Variants in PRTFDC1 observed in about 807,000 individuals in gnomAD.
PRTFDC1 encodes the protein phosphoribosyl transferase domain containing 1.
Under a neutral mutation model 34.6 loss-of-function variants are expected in PRTFDC1, and 38 were observed. That is an observed-to-expected ratio of 1.10 (90% confidence interval 0.85 to 1.44). PRTFDC1 has a LOEUF of 1.44. PRTFDC1 is among the 40% of genes most tolerant of loss of function. The probability of loss-of-function intolerance (pLI) is 0.00; values close to 1 mark genes in which losing one functional copy is unlikely to be tolerated. For synonymous variants in PRTFDC1, 93 were observed against 98.1 expected (o/e 0.95, Z 0.31); for missense variants, 270 against 283.0 (o/e 0.95, Z 0.33).
intron 4 of PRTFDC1, among the ~76,000 whole-genome samples, chr10:24,866,765 C>A (rs1448863337): frequency 6.7e-6 from 1 of 148,982 alleles, no homozygotes; most frequent in Non-Finnish European, 1.5e-5. Context: ...CCCTTGTGAG[C>A]TTCCTTTCCT....
intron 8 of PRTFDC1, 142 bp from the exon 9 acceptor site, chr10:24,850,033 T>C: frequency 2.6e-6 from 2 of 771,666 alleles, no homozygotes; most frequent in Non-Finnish European, 4.3e-6. Context: ...TATGTGTGGG[T>C]AAAATCTAAA....
At chr10:24,873,618 G>T (rs1015104172) in intron 3 of PRTFDC1, among the ~76,000 whole-genome samples, 7 of 152,130 alleles carry the variant, frequency 4.6e-5, no homozygotes, top group African/African-American at 1.7e-4. Flanking sequence ...GTAGGGCCAG[G>T]CCTTTGCAGT....
At chr10:24,947,694 G>C (rs934754361) in intron 1 of PRTFDC1, among the ~76,000 whole-genome samples, 2 of 151,942 alleles carry the variant, frequency 1.3e-5, no homozygotes, top group African/African-American at 4.8e-5. Context: ...ACACATACAA[G>C]AAGCTAATCT....
Position 24,952,465 on chromosome 10 carries a change from C to T in PRTFDC1, c.48+63G>A. ...CGACGCACGGCAAGCATTTAATCTACAAGCAGGGTGCCAGGGAGGGAGGGG... is the reference window on the plus strand; with the variant it reads ...CGACGCACGGCAAGCATTTAATCTATAAGCAGGGTGCCAGGGAGGGAGGGG... On this transcript the variant is annotated intron_variant, in intron 1 of 8. Coordinates refer to ENST00000320152, the MANE Select transcript of PRTFDC1 (RefSeq NM_020200.7). This position sits in a 1 kb window ranked among gnomAD's most constrained non-coding sequence, Gnocchi z 5.1. 1 of 1,510,240 alleles carries T rather than the reference C, an allele frequency of 6.6e-7. No homozygotes were observed. Among genetic ancestry groups the T allele is most frequent in the Non-Finnish European group, 9.0e-7 (1 of 1,109,432 alleles). The allele number at this position is 1,510,240 out of a possible 1,614,324, so 93.6% of individuals were successfully genotyped here. A position where few individuals can be genotyped will look rare whatever the true frequency, so the allele number is the denominator to read the frequency against.
At chr10:24,915,575 C>T (rs7100046) in intron 3 of PRTFDC1, among the ~76,000 whole-genome samples, 142 of 152,308 alleles carry the variant, frequency 9.3e-4, no homozygotes, top group African/African-American at 3.0e-3. Flanking sequence ...CTTGGCTGAA[C>T]CTGACTGGTT....
In PRTFDC1 at chr10:24,908,762, C is replaced by T. The variant is rs990105324; in HGVS notation, c.339+28422G>A. The T allele has an allele frequency of 4.1e-6, 6 of 1,474,190 alleles. No individual in the cohort carries two copies. The South Asian group carries it at 8.2e-5, about 20-fold the overall frequency. The allele number at this position is 1,474,190 out of a possible 1,614,324, so 91.3% of individuals were successfully genotyped here. A position where few individuals can be genotyped will look rare whatever the true frequency, so the allele number is the denominator to read the frequency against. ...AGCCAGCCCGATCAGCCTGATCAAC[C>T]CTAGCGATCAATGGGGTGACTGATG... On this transcript the variant is annotated intron_variant, in intron 3 of 8. Coordinates refer to ENST00000320152, the MANE Select transcript of PRTFDC1 (RefSeq NM_020200.7).
intron 4 of PRTFDC1, among the ~76,000 whole-genome samples, chr10:24,870,105 GATT>G (rs1175715748): frequency 6.6e-6 from 1 of 152,088 alleles, no homozygotes; most frequent in Non-Finnish European, 1.5e-5. Flanking sequence ...TGGATATACA[GATT>G]ATTATTATTA....
In PRTFDC1 at chr10:24,851,606, C is replaced by T. The variant is rs1588568645; in HGVS notation, c.554-142G>A. The stretch of plus-strand genomic sequence containing the variant: ...GGAGTGAGAAATGGTGAGAAATGCA[C>T]ACGATGAGCCCAAGAGGGACCTGGA... On this transcript the variant is annotated intron_variant, in intron 7 of 8. Transcript: ENST00000320152. 26 of 1,351,138 alleles carry T rather than the reference C, an allele frequency of 1.9e-5. No individual in the cohort carries two copies. In the East Asian group the frequency reaches 5.7e-4, roughly 30 times the overall value. 83.7% of individuals were successfully genotyped at this position (1,351,138 alleles called of 1,614,324 possible).
intron 3 of PRTFDC1, among the ~76,000 whole-genome samples, chr10:24,895,987 C>T (rs1210513495): frequency 6.6e-6 from 1 of 152,036 alleles, no homozygotes; most frequent in African/African-American, 2.4e-5. Context: ...CACAGTGAAA[C>T]ATCTCTGGCC....
At chr10:24,904,034 A>C (rs1157641865) in intron 3 of PRTFDC1, among the ~76,000 whole-genome samples, 2 of 152,038 alleles carry the variant, frequency 1.3e-5, no homozygotes, top group African/African-American at 4.8e-5. Flanking sequence ...CACTGAGAAA[A>C]AAAGTATCAC....
intron 1 of PRTFDC1, among the ~76,000 whole-genome samples, chr10:24,943,379 G>A (rs1397663442): frequency 1.3e-5 from 2 of 152,016 alleles, no homozygotes; most frequent in East Asian, 1.9e-4. Flanking sequence ...TCTCCCTCTC[G>A]CTTAGGACTT....
At chr10:24,881,025 CTCTCTA>C (rs1438563953) in intron 3 of PRTFDC1, among the ~76,000 whole-genome samples, 1 of 130,690 alleles carries the variant, frequency 7.7e-6, no homozygotes, top group Non-Finnish European at 1.6e-5. Flanking sequence ...TTCTTTCTCT[CTCTCTA>C]TCTCTTTCTT....
At chr10:24,944,081 C>T (rs984024649) in intron 1 of PRTFDC1, among the ~76,000 whole-genome samples, 10 of 152,118 alleles carry the variant, frequency 6.6e-5, no homozygotes, top group Non-Finnish European at 1.0e-4. Flanking sequence ...CTTTCCTCCT[C>T]TACCTCTGTA....
chr10:24,863,539 T>C lies in PRTFDC1; in HGVS notation c.406-5130A>G, dbSNP rs181613355. On this transcript the variant is annotated intron_variant, in intron 4 of 8. Transcript: ENST00000320152. ...AACACAACATCCATTTTGCAGCCCA[T>C]AGAGTCATTTAAACTTTCAAGTCTT... is the stretch of plus-strand genomic sequence containing the variant. 6.6e-3 allele frequency among the ~76,000 whole-genome samples: 1,011 copies of C among 152,266 alleles called. 12 individuals carry two copies. The highest frequency in any genetic ancestry group is 0.022 in the African/African-American group (933 of 41,546).
intron 1 of PRTFDC1, among the ~76,000 whole-genome samples, chr10:24,947,165 T>C (rs1463957198): frequency 6.6e-6 from 1 of 152,136 alleles, no homozygotes; most frequent in Admixed American, 6.6e-5. Context: ...AGTATAAAAG[T>C]AGAAGAAATA....
At chr10:24,929,055 AG>A (rs1206899795) in intron 3 of PRTFDC1, among the ~76,000 whole-genome samples, 12,490 of 103,592 alleles carry the variant, frequency 0.12, 1,628 homozygotes, top group East Asian at 0.2. Context: ...AAAAAAAAAA[AG>A]AAAGAAAGAA....
intron 1 of PRTFDC1, among the ~76,000 whole-genome samples, chr10:24,943,692 G>T (rs1564321072): frequency 1.3e-5 from 2 of 151,968 alleles, no homozygotes. Context: ...TGGGACCACA[G>T]GTGTGTGCCA....
intron 4 of PRTFDC1, among the ~76,000 whole-genome samples, chr10:24,865,239 G>A (rs1847755760): frequency 1.3e-5 from 2 of 152,034 alleles, no homozygotes; most frequent in Admixed American, 6.6e-5. Context: ...ACTTTCTCTG[G>A]TTCATTGTAT....
intron 2 of PRTFDC1, among the ~76,000 whole-genome samples, chr10:24,939,407 T>C (rs1028489774): frequency 6.6e-6 from 1 of 151,648 alleles, no homozygotes; most frequent in Non-Finnish European, 1.5e-5. Flanking sequence ...ATACTAAACA[T>C]TATATCAATA....
Sources: gnomAD v4.1 joint callset for allele counts (sites outside exome capture counted in the v4.1 genomes callset) on GRCh38, gnomAD v4.1.1 for gene constraint, Gnocchi (gnomAD v3.1) non-coding constraint, MANE v1.5 for transcripts, NCBI Gene and HGNC (gene_info 2026-07-23, HGNC 2026-07-21) for gene names.